Variants in RABEP1 observed in about 807,000 individuals in gnomAD.
The protein encoded by RABEP1 is rab GTPase-binding effector protein 1.
Under a neutral mutation model 123.4 loss-of-function variants are expected in RABEP1, and 51 were observed. The ratio of observed to expected loss-of-function variants is 0.41; its 90% CI spans 0.33 to 0.52. RABEP1 has a LOEUF of 0.52. Ranked by LOEUF, RABEP1 falls within the 20% of genes least tolerant of loss-of-function variation. The probability of loss-of-function intolerance (pLI) is 0.16; values close to 1 mark genes in which losing one functional copy is unlikely to be tolerated. For synonymous variants in RABEP1, 347 were observed against 355.2 expected (o/e 0.98, Z 0.26); for missense variants, 888 against 996.3 (o/e 0.89, Z 1.46).
chr17:5,381,283 ATCCAC>A, intron 16 of RABEP1, 101 bp from the exon 17 acceptor site: 1 of 1,502,766 alleles, frequency 6.7e-7, no homozygotes, highest in East Asian at 2.4e-5. Flanking sequence ...TGCGACGGAT[ATCCAC>A]CCACCTTTCT....
chr17:5,319,371 T>TA (rs2075331345), intron 2 of RABEP1, among the ~76,000 whole-genome samples: 1 of 104,606 alleles, frequency 9.6e-6, no homozygotes, highest in South Asian at 2.7e-4. Flanking sequence ...AACATATATA[T>TA]TTTTTTCCTT....
intron 2 of RABEP1, among the ~76,000 whole-genome samples, chr17:5,328,816 T>C (rs1202454678): frequency 2.0e-5 from 3 of 151,604 alleles, no homozygotes; most frequent in Admixed American, 1.3e-4. Context: ...CCAGGCGCAG[T>C]GGCAGGCGCC....
At chr17:5,365,004 T>A (rs1477180702) in intron 10 of RABEP1, 118 bp from the exon 11 acceptor site, 1 of 638,920 alleles carries the variant, frequency 1.6e-6, no homozygotes, top group African/African-American at 1.9e-5. Flanking sequence ...AGAAAATCTG[T>A]GGTGTTTCCC....
intron 8 of RABEP1, among the ~76,000 whole-genome samples, chr17:5,359,640 T>C (rs1454216466): frequency 2.0e-5 from 3 of 152,102 alleles, no homozygotes; most frequent in Non-Finnish European, 4.4e-5. Flanking sequence ...AGGCATTAAC[T>C]CAAAATTTGT....
chr17:5,343,670 C>CT (rs753410845), intron 5 of RABEP1, among the ~76,000 whole-genome samples: 2,892 of 99,536 alleles, frequency 0.029, 159 homozygotes, highest in African/African-American at 0.076. Context: ...TTTCTTTTCT[C>CT]TTTTTTTTTT....
chr17:5,305,060 A>G (rs528343070), intron 1 of RABEP1, among the ~76,000 whole-genome samples: 1 of 152,350 alleles, frequency 6.6e-6, no homozygotes, highest in African/African-American at 2.4e-5. Flanking sequence ...ATAAAAAATA[A>G]TACAGCATTT....
At chr17:5,373,045 A>G (rs1388790604) in intron 12 of RABEP1, among the ~76,000 whole-genome samples, 6 of 152,204 alleles carry the variant, frequency 3.9e-5, no homozygotes, top group Admixed American at 3.9e-4. Context: ...GGCGTGAGCC[A>G]CCACACCCAA....
intron 4 of RABEP1, chr17:5,336,550 C>T: frequency 2.3e-6 from 1 of 430,810 alleles, no homozygotes; most frequent in Non-Finnish European, 4.5e-6. Context: ...TTGGCTGTGA[C>T]AGTTTCTCAG....
intron 8 of RABEP1, among the ~76,000 whole-genome samples, chr17:5,359,687 T>TA (rs1320421339): frequency 2.6e-5 from 4 of 151,898 alleles, no homozygotes; most frequent in Non-Finnish European, 4.4e-5. Context: ...TTTAAAACAT[T>TA]AAAAAAAATA....
intron 1 of RABEP1, among the ~76,000 whole-genome samples, chr17:5,306,564 G>T (rs1453699002): frequency 6.6e-6 from 1 of 151,670 alleles, no homozygotes. Flanking sequence ...GGAGGCGGAG[G>T]TTGCAATGAG....
chr17:5,342,260 C>G lies in RABEP1; in HGVS notation c.648+4122C>G, dbSNP rs567191994. The stretch of plus-strand genomic sequence containing the variant: ...AGAAAAAGAAAAACTAGTTAGCTAC[C>G]AATATAGCTAAATAAAGATGGGCAG... On this transcript the variant is annotated intron_variant, in intron 5 of 17. Transcript: ENST00000537505. 4.1e-4 allele frequency among the ~76,000 whole-genome samples: 62 copies of G among 152,010 alleles called. 1 individual carries two copies. The highest frequency in any genetic ancestry group is 1.4e-3 in the African/African-American group (60 of 41,474).
chr17:5,380,314 TG>T, intron 15 of RABEP1, 49 bp from the exon 16 acceptor site: 1 of 1,318,242 alleles, frequency 7.6e-7, no homozygotes. Context: ...GGTAGTGCAC[TG>T]GGGCCCAGAG....
intron 3 of RABEP1, among the ~76,000 whole-genome samples, chr17:5,334,056 T>G (rs1205684730): frequency 6.6e-6 from 1 of 151,784 alleles, no homozygotes; most frequent in African/African-American, 2.4e-5. Flanking sequence ...AGTGGTTTTT[T>G]TTTTTTTTTT....
chr17:5,335,427 A>G, intron 4 of RABEP1, 83 bp downstream of exon 4: 1 of 1,166,342 alleles, frequency 8.6e-7, no homozygotes, highest in Non-Finnish European at 1.2e-6. Flanking sequence ...AGAAAGTAAT[A>G]GAAGTACTTT....
chr17:5,316,150 A>G (rs2075292672), intron 2 of RABEP1, among the ~76,000 whole-genome samples: 1 of 152,158 alleles, frequency 6.6e-6, no homozygotes, highest in South Asian at 2.1e-4. Context: ...CTACATAATC[A>G]CTAAAAGTAC....
At chr17:5,296,507 C>T (rs774090340) in intron 1 of RABEP1, among the ~76,000 whole-genome samples, 4 of 152,104 alleles carry the variant, frequency 2.6e-5, no homozygotes, top group Admixed American at 6.6e-5. Context: ...GTAATCCACC[C>T]GCCTTGGCCT....
At chr17:5,333,413 C>T (rs918961638) in intron 3 of RABEP1, among the ~76,000 whole-genome samples, 7 of 152,258 alleles carry the variant, frequency 4.6e-5, no homozygotes, top group Middle Eastern at 3.4e-3. Flanking sequence ...CTGCCCGCCT[C>T]GGCCTCCCAA....
chr17:5,309,645 C>A, intron 2 of RABEP1, among the ~76,000 whole-genome samples: 1 of 147,270 alleles, frequency 6.8e-6, no homozygotes. Flanking sequence ...AAGAGTGAAA[C>A]TCCCATCTCA....
At chr17:5,331,312 T>A (rs1385771259) in intron 2 of RABEP1, among the ~76,000 whole-genome samples, 1 of 152,100 alleles carries the variant, frequency 6.6e-6, no homozygotes, top group African/African-American at 2.4e-5. Flanking sequence ...AGATGGAAAA[T>A]AGTGACTGTT....
Sources: allele counts gnomAD v4.1 joint callset (sites outside exome capture counted in the v4.1 genomes callset), GRCh38; gene constraint gnomAD v4.1.1; transcripts MANE v1.5; gene names NCBI Gene and HGNC (gene_info 2026-07-23, HGNC 2026-07-21).